The following STARD10 variants were observed in gnomAD, a reference collection of about 807,000 sequenced individuals.
The protein encoded by STARD10 is StAR related lipid transfer domain containing 10, also known as START domain-containing protein 10.
Under a neutral mutation model 36.0 loss-of-function variants are expected in STARD10, and 24 were observed. The observed-to-expected ratio is 0.67, with a 90% CI of 0.48 to 0.94. STARD10 has a LOEUF of 0.94. Among genes scored for constraint, STARD10 ranks in the 40% least tolerant of loss-of-function variants. The pLI, the probability that STARD10 is intolerant of heterozygous loss-of-function variation, is 0.00. For synonymous variants in STARD10, 156 were observed against 161.9 expected (o/e 0.96, Z 0.28); for missense variants, 335 against 396.6 (o/e 0.84, Z 1.32).
At chr11:72,771,294 G>A (rs1034995363) in intron 2 of STARD10, among the ~76,000 whole-genome samples, 3 of 152,216 alleles carry the variant, frequency 2.0e-5, no homozygotes, top group Admixed American at 2.0e-4. Flanking sequence ...TTGAGGGTGT[G>A]TGTGGAGTTC....
intron 1 of STARD10, among the ~76,000 whole-genome samples, chr11:72,786,424 G>A (rs1859072006): frequency 6.6e-6 from 1 of 152,158 alleles, no homozygotes; most frequent in African/African-American, 2.4e-5. Context: ...GCTCGGCCTT[G>A]AGAGGGATGT....
intron 5 of STARD10, among the ~76,000 whole-genome samples, chr11:72,757,267 G>A (rs1050000355): frequency 6.6e-6 from 1 of 152,196 alleles, no homozygotes; most frequent in Non-Finnish European, 1.5e-5. Flanking sequence ...CAAGGGGCAA[G>A]TTAGGAGGAA....
intron 2 of STARD10, among the ~76,000 whole-genome samples, chr11:72,769,495 C>T (rs762017830): frequency 6.6e-6 from 1 of 152,110 alleles, no homozygotes; most frequent in Non-Finnish European, 1.5e-5. Context: ...AGGTGTGTGC[C>T]ACCACGCCTG....
intron 2 of STARD10, among the ~76,000 whole-genome samples, chr11:72,765,806 AC>A (rs1449820965): frequency 7.0e-6 from 1 of 143,516 alleles, no homozygotes; most frequent in Non-Finnish European, 1.5e-5. Context: ...ACCTGTCTCT[AC>A]TAAAAATACA....
At position 72,780,734 on chromosome 11, in the gene STARD10, G is replaced by A. The variant is rs1858981976; in HGVS notation, c.207+241C>T. 9.7e-5 allele frequency: 55 copies of A among 564,692 alleles called. 1 individual carries two copies. The South Asian group carries it at 1.0e-3, about 10-fold the overall frequency. The allele number at this position is 564,692 out of a possible 1,614,324, so 35.0% of individuals were successfully genotyped here. ...TCCCTGGAACAGGCAGGGGCATGCA[G>A]AAGCCTGGGTTCCAGCTGAGAGAGG... On this transcript the variant is annotated intron_variant, in intron 2 of 6. Coordinates refer to ENST00000334805, the MANE Select transcript of STARD10 (RefSeq NM_006645.3).
chr11:72,773,007 T>C (rs1858884462), intron 2 of STARD10, among the ~76,000 whole-genome samples: 2 of 152,184 alleles, frequency 1.3e-5, no homozygotes, highest in Non-Finnish European at 1.5e-5. Context: ...GCCTTGAGTC[T>C]CTTAAGAGCA....
chr11:72,787,795 C>G (rs997110962), intron 1 of STARD10, among the ~76,000 whole-genome samples: 1 of 152,238 alleles, frequency 6.6e-6, no homozygotes, highest in African/African-American at 2.4e-5. Context: ...TCTAGGCCTT[C>G]CTCCACCAAG....
Position 72,757,794 on chromosome 11 carries a change from T to C in STARD10, c.550A>G (p.Thr184Ala). ...QSTGPKSCVI[T>A]YLAQVDPKGS... ...TTGGGGTCCACCTGGGCCAGGTAGG[T>C]GATGACGCAGCTCTTGGGCCCTGTG... Residue 184 changes from threonine to alanine, a missense_variant, in exon 5 of 7, where the codon ACC (threonine) becomes GCC (alanine). Physicochemically the swap from Thr to Ala is moderately conservative, Grantham distance 58. Coordinates refer to ENST00000334805, the MANE Select transcript of STARD10 (RefSeq NM_006645.3). 1 of 1,613,984 alleles carries C rather than the reference T, an allele frequency of 6.2e-7. No homozygotes were observed.
intron 2 of STARD10, among the ~76,000 whole-genome samples, chr11:72,778,113 A>T (rs1858949322): frequency 1.3e-5 from 2 of 152,200 alleles, no homozygotes. Flanking sequence ...CAAGAATAGG[A>T]TGATGAGAAC....
In STARD10 at chr11:72,758,295, C is replaced by T. The variant is rs374111030; in HGVS notation, c.459+235G>A. On this transcript the variant is annotated intron_variant, in intron 4 of 6. Coordinates refer to ENST00000334805, the MANE Select transcript of STARD10 (RefSeq NM_006645.3). ...TTCCCTGTCCCAGAGCCCAACCAATCGAAGTCAGCCCATCCCACCCACTTG... is the reference window on the plus strand; with the variant it reads ...TTCCCTGTCCCAGAGCCCAACCAATTGAAGTCAGCCCATCCCACCCACTTG... Among the ~76,000 whole-genome samples, 6 of 152,342 alleles carry T rather than the reference C, an allele frequency of 3.9e-5. No homozygotes were observed. In the East Asian group the frequency reaches 5.8e-4, roughly 15 times the overall value.
At chr11:72,782,793 C>G (rs1303008031) in intron 1 of STARD10, among the ~76,000 whole-genome samples, 2 of 152,160 alleles carry the variant, frequency 1.3e-5, no homozygotes, top group Non-Finnish European at 2.9e-5. Context: ...TGAACTGAGG[C>G]CAGTAGCTCA....
intron 2 of STARD10, among the ~76,000 whole-genome samples, chr11:72,762,897 T>C (rs1310267866): frequency 2.6e-5 from 4 of 152,192 alleles, no homozygotes; most frequent in Non-Finnish European, 4.4e-5. Flanking sequence ...AAAAGGTCCC[T>C]GGTTCTAGGT....
In STARD10 at chr11:72,755,722, A is replaced by G. The variant is rs375261555; in HGVS notation, c.609T>C (p.Ser203=). 1.9e-4 allele frequency: 301 copies of G among 1,613,750 alleles called. 2 individuals are homozygous for G. In the African/African-American group the frequency reaches 3.7e-3, roughly 20 times the overall value. The part of the protein sequence containing the change: ...GSLPKWVVNK[S]SQFLAPKAMK... ...TCACCTTGGGAGCCAGGAACTGAGA[A>G]GATTTATTCACCACCCACTTGGGTA... The change falls in exon 6 of 7, where the codon TCT becomes TCC. Residue 203 remains serine (S), a synonymous_variant. Transcript: ENST00000334805.
chr11:72,757,773 G>T lies in STARD10; in HGVS notation c.571C>A (p.Pro191Thr), dbSNP rs1460767494. The T allele has an allele frequency of 6.2e-7, 1 of 1,613,928 alleles. No homozygotes were observed. The highest frequency in any genetic ancestry group is 8.5e-7 in the Non-Finnish European group (1 of 1,179,918). The change falls in exon 5 of 7, where the codon CCC becomes ACC. Residue 191 changes from proline (P) to threonine (T), a missense_variant. Physicochemically the swap from Pro to Thr is conservative, Grantham distance 38 (BLOSUM62 -1). Coordinates refer to ENST00000334805, the MANE Select transcript of STARD10 (RefSeq NM_006645.3). Reference protein sequence around the residue: ...CVITYLAQVDPKGSLPKWVVN... With the variant: ...CVITYLAQVDTKGSLPKWVVN... ...GCCAGGGCCAAGCCCTCACCTTTGG[G>T]GTCCACCTGGGCCAGGTAGGTGATG...
chr11:72,769,754 A>T (rs949754307), intron 2 of STARD10, among the ~76,000 whole-genome samples: 1 of 152,266 alleles, frequency 6.6e-6, no homozygotes, highest in African/African-American at 2.4e-5. Flanking sequence ...TGAGTATATT[A>T]TTGAATTTGC....
chr11:72,764,911 G>A (rs1449642194), intron 2 of STARD10, among the ~76,000 whole-genome samples: 1 of 152,176 alleles, frequency 6.6e-6, no homozygotes. Context: ...AGCCATGCTG[G>A]GCTTGAGTAC....
chr11:72,758,626 A>T lies in STARD10; in HGVS notation c.363T>A (p.Cys121Ter). 6.2e-7 allele frequency: 1 copy of T among 1,613,200 alleles called. No homozygotes were observed. The highest frequency in any genetic ancestry group is 2.2e-5 in the East Asian group (1 of 44,858). Residue 121 changes from cysteine (C) to a stop codon, truncating the protein, a stop_gained, in exon 4 of 7, where the codon TGT becomes TGA. Coordinates refer to ENST00000334805, the MANE Select transcript of STARD10 (RefSeq NM_006645.3). LOFTEE classifies it high-confidence loss of function. The part of the protein sequence containing the change: ...NADVGYYSWR[C>*]PKPLKNRDVI... ...CATCACGGTTCTTCAGGGGCTTGGG[A>T]CACCTCCCTGTGGGGGGCAAGGGAC...
At chr11:72,788,574 CTTTT>C (rs72079658) in intron 1 of STARD10, among the ~76,000 whole-genome samples, 1 of 146,556 alleles carries the variant, frequency 6.8e-6, no homozygotes, top group East Asian at 2.0e-4. Context: ...GAAATTCAGC[CTTTT>C]TTTTTTTTTA....
At chr11:72,758,361 G>A (rs1009140913) in intron 4 of STARD10, among the ~76,000 whole-genome samples, 169 bp downstream of exon 4, 4 of 152,220 alleles carry the variant, frequency 2.6e-5, no homozygotes, top group African/African-American at 9.7e-5. Context: ...ATCTGCTCAA[G>A]AGACCCAGCA....
Sources: allele counts gnomAD v4.1 joint callset (sites outside exome capture counted in the v4.1 genomes callset), GRCh38; gene constraint gnomAD v4.1.1; transcripts MANE v1.5; gene names NCBI Gene and HGNC (gene_info 2026-07-23, HGNC 2026-07-21).